The following SUGCT variants were observed in gnomAD, a reference collection of about 807,000 sequenced individuals.
SUGCT encodes the protein succinyl-CoA:glutarate CoA-transferase.
A neutral mutation model predicts 55.0 loss-of-function variants in SUGCT; 41 were observed. The ratio of observed to expected loss-of-function variants is 0.74; its 90% CI spans 0.58 to 0.97. The LOEUF is 0.97. Among genes scored for constraint, SUGCT ranks in the 50% least tolerant of loss-of-function variants. The pLI is 0.00. For synonymous variants in SUGCT, 187 were observed against 200.4 expected (o/e 0.93, Z 0.56); for missense variants, 568 against 547.8 (o/e 1.04, Z -0.37).
chr7:40,715,907 C>T (rs925471558), intron 12 of SUGCT, among the ~76,000 whole-genome samples: 4 of 152,174 alleles, frequency 2.6e-5, no homozygotes, highest in Non-Finnish European at 5.9e-5. Flanking sequence ...GCACCCTCCT[C>T]TCCATCAGGA....
chr7:40,377,552 T>G (rs1784667857), intron 9 of SUGCT, among the ~76,000 whole-genome samples: 1 of 152,046 alleles, frequency 6.6e-6, no homozygotes, highest in African/African-American at 2.4e-5. Flanking sequence ...CTTCAGCCAT[T>G]ATTCTTTAGA....
chr7:40,489,169 A>G (rs1282552291), intron 11 of SUGCT, among the ~76,000 whole-genome samples: 1 of 145,174 alleles, frequency 6.9e-6, no homozygotes, highest in Admixed American at 6.9e-5. Flanking sequence ...CTGCCCGTAT[A>G]TTTTCAAATA....
At chr7:40,635,241 G>A (rs184692216) in intron 12 of SUGCT, among the ~76,000 whole-genome samples, 7 of 151,904 alleles carry the variant, frequency 4.6e-5, no homozygotes, top group East Asian at 3.9e-4. Context: ...AGCCAAGATC[G>A]CACCACTGCA....
At chr7:40,302,596 G>GT (rs1010756417) in intron 8 of SUGCT, among the ~76,000 whole-genome samples, 9 of 152,140 alleles carry the variant, frequency 5.9e-5, no homozygotes, top group Non-Finnish European at 1.2e-4. Context: ...CATTTAGATT[G>GT]TTGGCAGAAT....
At chr7:40,660,238 A>G (rs1218121580) in intron 12 of SUGCT, among the ~76,000 whole-genome samples, 1 of 152,104 alleles carries the variant, frequency 6.6e-6, no homozygotes, top group Non-Finnish European at 1.5e-5. Context: ...GAAATGGGGT[A>G]AGGCAGAGAG....
chr7:40,714,875 C>T (rs550271577), intron 12 of SUGCT, among the ~76,000 whole-genome samples: 6 of 152,264 alleles, frequency 3.9e-5, no homozygotes, highest in African/African-American at 7.2e-5. Context: ...TTTCTCCTTC[C>T]GTGAAGGCAA....
At chr7:40,191,534 A>C (rs891299248) in intron 5 of SUGCT, among the ~76,000 whole-genome samples, 7 of 151,796 alleles carry the variant, frequency 4.6e-5, no homozygotes, top group Non-Finnish European at 1.0e-4. Flanking sequence ...TGATCTTACC[A>C]CTCTTTCTTC....
chr7:41,027,322 A>G, the SUGCT span, among the ~76,000 whole-genome samples: 1 of 152,298 alleles, frequency 6.6e-6, no homozygotes, highest in East Asian at 1.9e-4. Flanking sequence ...TCAGCCTTGA[A>G]AAAAGGACCT....
chr7:40,702,901 C>T (rs761692090), intron 12 of SUGCT, among the ~76,000 whole-genome samples: 2 of 152,112 alleles, frequency 1.3e-5, no homozygotes, highest in Non-Finnish European at 2.9e-5. Flanking sequence ...GCCCACAAAG[C>T]GTGCAAGAAT....
chr7:40,509,963 A>T (rs903935238), intron 12 of SUGCT, among the ~76,000 whole-genome samples: 9 of 152,148 alleles, frequency 5.9e-5, no homozygotes, highest in Non-Finnish European at 1.0e-4. Context: ...ATTTTTGAAA[A>T]AAGTTTTTTG....
intron 12 of SUGCT, among the ~76,000 whole-genome samples, chr7:40,653,911 A>C (rs1406139118): frequency 6.6e-6 from 1 of 152,154 alleles, no homozygotes; most frequent in Non-Finnish European, 1.5e-5. Flanking sequence ...TGTGTGACAC[A>C]GTAGCAAGTA....
intron 12 of SUGCT, among the ~76,000 whole-genome samples, chr7:40,648,091 G>A (rs991424843): frequency 2.0e-5 from 3 of 152,052 alleles, no homozygotes; most frequent in African/African-American, 7.2e-5. Context: ...CTAGAAAAGC[G>A]TTTTAACTGT....
At chr7:40,481,302 C>T (rs575791007) in intron 11 of SUGCT, among the ~76,000 whole-genome samples, 29 of 151,894 alleles carry the variant, frequency 1.9e-4, no homozygotes, top group Admixed American at 4.6e-4. Flanking sequence ...TGCACAATTG[C>T]GCTGCAGCCT....
At chr7:40,267,862 G>A (rs1310338010) in intron 7 of SUGCT, among the ~76,000 whole-genome samples, 1 of 152,166 alleles carries the variant, frequency 6.6e-6, no homozygotes, top group African/African-American at 2.4e-5. Context: ...TTCACAGTAT[G>A]AGCATAGCCA....
chr7:40,194,202 A>C (rs1437905912), intron 5 of SUGCT, among the ~76,000 whole-genome samples: 1 of 152,206 alleles, frequency 6.6e-6, no homozygotes, highest in Non-Finnish European at 1.5e-5. Context: ...TAAGTGCGTT[A>C]AGTGCATGTT....
In SUGCT at chr7:40,316,795, T is replaced by C. The variant is rs1276162312; in HGVS notation, c.756T>C (p.Leu252=). 6.2e-7 allele frequency: 1 copy of C among 1,603,100 alleles called. No homozygotes were observed. The highest frequency in any genetic ancestry group is 1.7e-5 in the Admixed American group (1 of 58,812). The change falls in exon 9 of 14, where the codon CTT becomes CTC. Residue 252 remains leucine, a synonymous_variant. Transcript: ENST00000335693. ...ACLSHIAANY[L]IGQKEAKRWG... ...TGTCTCACATAGCTGCAAATTATCT[T>C]ATTGGTCAAAAGGAAGCAAAACGTT... is the stretch of plus-strand genomic sequence containing the variant.
At chr7:40,182,120 TG>T in intron 3 of SUGCT, 92 bp downstream of exon 3, 1 of 715,844 alleles carries the variant, frequency 1.4e-6, no homozygotes, top group East Asian at 2.7e-5. Context: ...TACCTATAAG[TG>T]GGATAAGGAG....
At position 40,316,826 on chromosome 7, in the gene SUGCT, A is replaced by G; in HGVS notation, c.787A>G (p.Thr263Ala). The change falls in exon 9 of 14, where the codon ACA becomes GCA. Residue 263 changes from threonine to alanine, a missense_variant. By Grantham distance (58) the Thr-to-Ala change is moderately conservative. Transcript: ENST00000335693. Reference sequence around the variant, plus strand: ...TCAAAAGGAAGCAAAACGTTGGGGTACAGCTCATGGCAGTATCGTTCCTTA... The same window carrying G: ...TCAAAAGGAAGCAAAACGTTGGGGTGCAGCTCATGGCAGTATCGTTCCTTA... ...IGQKEAKRWG[T>A]AHGSIVPYQA... is the part of the protein sequence containing the mutation. 1.3e-6 allele frequency: 2 copies of G among 1,598,264 alleles called. No individual in the cohort carries two copies. The highest frequency in any genetic ancestry group is 8.5e-7 in the Non-Finnish European group (1 of 1,171,472).
At chr7:40,359,592 T>C (rs1448614696) in intron 9 of SUGCT, among the ~76,000 whole-genome samples, 1 of 152,142 alleles carries the variant, frequency 6.6e-6, no homozygotes, top group Non-Finnish European at 1.5e-5. Flanking sequence ...CCCCATGATA[T>C]AAGAGTAGAG....
Sources: allele counts gnomAD v4.1 joint callset (sites outside exome capture counted in the v4.1 genomes callset), GRCh38; gene constraint gnomAD v4.1.1; transcripts MANE v1.5; gene names NCBI Gene and HGNC (gene_info 2026-07-23, HGNC 2026-07-21).